The following PAG1 variants were observed in gnomAD, a reference collection of about 807,000 sequenced individuals.
PAG1 encodes the protein phosphoprotein membrane anchor with glycosphingolipid microdomains 1.
PAG1 carries 23 observed loss-of-function variants against 31.7 expected under a neutral mutation model. That is an observed-to-expected ratio of 0.73 (90% CI 0.52 to 1.03). The LOEUF is 1.03. Among genes scored for constraint, PAG1 ranks in the 50% least tolerant of loss-of-function variants. The pLI is 0.00. For missense variants in PAG1, 473 were observed against 540.7 expected, an observed-to-expected ratio of 0.87 and a Z score of 1.24; for synonymous variants, 214 against 210.3, an observed-to-expected ratio of 1.02 and a Z score of -0.15.
chr8:81,080,142 G>A (rs1809242264), intron 1 of PAG1, among the ~76,000 whole-genome samples: 1 of 152,108 alleles, frequency 6.6e-6, no homozygotes. Flanking sequence ...GAATGTTAAA[G>A]CAATTGTAAT....
At chr8:81,064,262 C>A (rs1402839374) in intron 2 of PAG1, among the ~76,000 whole-genome samples, 1 of 152,078 alleles carries the variant, frequency 6.6e-6, no homozygotes, top group Non-Finnish European at 1.5e-5. Flanking sequence ...CATGAGTGCA[C>A]AACCTAGATC....
At chr8:81,101,874 G>A (rs1809615648) in intron 1 of PAG1, among the ~76,000 whole-genome samples, 2 of 151,882 alleles carry the variant, frequency 1.3e-5, no homozygotes, top group South Asian at 4.1e-4. Context: ...AGAAAAATAA[G>A]ACAAAGAAAA....
At chr8:81,064,905 G>C (rs1044484476) in intron 2 of PAG1, among the ~76,000 whole-genome samples, 15 of 152,218 alleles carry the variant, frequency 9.9e-5, no homozygotes, top group African/African-American at 3.1e-4. Flanking sequence ...GTAGTGAATG[G>C]CATTTATATG....
intron 2 of PAG1, among the ~76,000 whole-genome samples, chr8:81,041,097 A>G (rs1459910871): frequency 6.6e-6 from 1 of 152,230 alleles, no homozygotes; most frequent in Non-Finnish European, 1.5e-5. Context: ...TGTCACCCAC[A>G]GAAGAAGAAA....
chr8:81,054,315 T>C (rs1355669506), intron 2 of PAG1, among the ~76,000 whole-genome samples: 1 of 152,172 alleles, frequency 6.6e-6, no homozygotes, highest in Non-Finnish European at 1.5e-5. Context: ...TGGGGCAGGT[T>C]ATTTAACCTC....
chr8:81,107,951 A>G (rs1809719230), intron 1 of PAG1, among the ~76,000 whole-genome samples: 1 of 152,244 alleles, frequency 6.6e-6, no homozygotes, highest in African/African-American at 2.4e-5. Context: ...AACAGTACAT[A>G]TGACTGTCAA....
intron 1 of PAG1, among the ~76,000 whole-genome samples, chr8:81,098,428 G>T (rs915979323): frequency 6.6e-6 from 1 of 152,050 alleles, no homozygotes; most frequent in African/African-American, 2.4e-5. Context: ...TTTCCTTAAA[G>T]AAAATTTACT....
rs1467732361 is a variant in PAG1 at position 80,969,785 on chromosome 8, C to G, written c.*6759G>C. On this transcript the variant is annotated 3_prime_UTR_variant, in exon 9 of 9. Coordinates refer to ENST00000220597, the MANE Select transcript of PAG1 (RefSeq NM_018440.4). ...TGACTTACAGCAAAGTTTTACAAAA[C>G]CAAATGAAACACCCTGGCTCCTGAA... 6.6e-6 allele frequency: 1 copy of G among 152,238 alleles called. No individual in the cohort carries two copies. Among genetic ancestry groups the G allele is most frequent in the Non-Finnish European group, 1.5e-5 (1 of 68,042 alleles). 9.4% of individuals were successfully genotyped at this position (152,238 alleles called of 1,614,324 possible). A position where few individuals can be genotyped will look rare whatever the true frequency, so the allele number is the denominator to read the frequency against.
intron 3 of PAG1, among the ~76,000 whole-genome samples, chr8:81,019,133 G>C (rs931837151): frequency 6.6e-6 from 1 of 152,192 alleles, no homozygotes; most frequent in Admixed American, 6.5e-5. Flanking sequence ...GTGGAACTTT[G>C]AATTTGAGAC....
intron 3 of PAG1, among the ~76,000 whole-genome samples, chr8:81,006,250 T>C (rs1388171544): frequency 1.3e-5 from 2 of 152,228 alleles, no homozygotes; most frequent in Non-Finnish European, 2.9e-5. Flanking sequence ...GCCAAGAATC[T>C]ATATTTTTAT....
At position 81,010,585 on chromosome 8, in the gene PAG1, C is replaced by T. The variant is rs72674019; in HGVS notation, c.-80-17278G>A. Among the ~76,000 whole-genome samples, 476 of 152,318 alleles carry T rather than the reference C, an allele frequency of 3.1e-3. 1 individual carries two copies. Among genetic ancestry groups the T allele is most frequent in the Non-Finnish European group, 5.3e-3 (358 of 68,030 alleles). The stretch of plus-strand genomic sequence containing the variant: ...CAAAGCTGATCCAAAATACATTTCT[C>T]TATCCACTTGCAAAATGATCCATAA... On this transcript the variant is annotated intron_variant, in intron 3 of 8. Transcript: ENST00000220597.
intron 2 of PAG1, among the ~76,000 whole-genome samples, chr8:81,049,761 C>T (rs932266547): frequency 5.9e-5 from 9 of 152,168 alleles, no homozygotes; most frequent in African/African-American, 2.2e-4. Flanking sequence ...TCCATTAAAA[C>T]GACAGGAAAC....
At chr8:81,100,385 C>T (rs974195659) in intron 1 of PAG1, among the ~76,000 whole-genome samples, 1 of 152,192 alleles carries the variant, frequency 6.6e-6, no homozygotes, top group Non-Finnish European at 1.5e-5. Flanking sequence ...CATCCCCTAC[C>T]TTCTAAATCA....
At chr8:81,090,894 C>T (rs1476850993) in intron 1 of PAG1, among the ~76,000 whole-genome samples, 1 of 152,128 alleles carries the variant, frequency 6.6e-6, no homozygotes, top group Non-Finnish European at 1.5e-5. Context: ...TCAGAAAAAT[C>T]AATGAAGGAT....
chr8:81,012,873 A>G (rs1292395141), intron 3 of PAG1, among the ~76,000 whole-genome samples: 1 of 152,242 alleles, frequency 6.6e-6, no homozygotes, highest in Non-Finnish European at 1.5e-5. Flanking sequence ...GCAAACTCGC[A>G]TTGATCAAGC....
At chr8:81,032,267 G>A (rs2130796212) in intron 2 of PAG1, among the ~76,000 whole-genome samples, 1 of 152,144 alleles carries the variant, frequency 6.6e-6, no homozygotes, top group African/African-American at 2.4e-5. Context: ...TTAAGAGAAT[G>A]AAAAGACAAC....
intron 2 of PAG1, among the ~76,000 whole-genome samples, chr8:81,065,475 A>G (rs1031156958): frequency 1.3e-5 from 2 of 152,206 alleles, no homozygotes; most frequent in African/African-American, 2.4e-5. Flanking sequence ...CAATATAAAC[A>G]AAATGTCCCA....
intron 1 of PAG1, among the ~76,000 whole-genome samples, chr8:81,082,688 C>T (rs1809288882): frequency 6.6e-6 from 1 of 152,092 alleles, no homozygotes; most frequent in Non-Finnish European, 1.5e-5. Context: ...GTTGTCCAGC[C>T]CATCCACTGA....
chr8:80,992,134 T>A (rs1177328238), intron 4 of PAG1, among the ~76,000 whole-genome samples: 1 of 147,118 alleles, frequency 6.8e-6, no homozygotes, highest in East Asian at 2.0e-4. Context: ...AGTGGGAACA[T>A]GAGTAACTAC....
Sources: allele counts gnomAD v4.1 joint callset (sites outside exome capture counted in the v4.1 genomes callset), GRCh38; gene constraint gnomAD v4.1.1; transcripts MANE v1.5; gene names NCBI Gene and HGNC (gene_info 2026-07-23, HGNC 2026-07-21).